The following BHMT variants were observed in gnomAD, a reference collection of about 807,000 sequenced individuals.
BHMT encodes betaine--homocysteine S-methyltransferase 1.
Under a neutral mutation model 49.5 loss-of-function variants are expected in BHMT, and 38 were observed. The observed-to-expected ratio is 0.77, with a 90% confidence interval of 0.59 to 1.01. The LOEUF is 1.01. Among genes scored for constraint, BHMT ranks in the 50% least tolerant of loss-of-function variants. BHMT has a pLI of 0.00. For synonymous variants in BHMT, 166 were observed against 176.3 expected, an observed-to-expected ratio of 0.94 and a Z score of 0.46; for missense variants, 426 against 495.7, an observed-to-expected ratio of 0.86 and a Z score of 1.34.
intron 1 of BHMT, among the ~76,000 whole-genome samples, chr5:79,115,526 G>A (rs972789347): frequency 6.6e-6 from 1 of 151,912 alleles, no homozygotes; most frequent in Non-Finnish European, 1.5e-5. Flanking sequence ...ACTCTTTAAC[G>A]TGTTAAGAAA....
At chr5:79,114,628 A>G (rs936662439) in intron 1 of BHMT, among the ~76,000 whole-genome samples, 1 of 152,178 alleles carries the variant, frequency 6.6e-6, no homozygotes. Flanking sequence ...CCTTTACACT[A>G]TACAGTTTTT....
At chr5:79,116,822 C>T (rs770119306) in intron 2 of BHMT, among the ~76,000 whole-genome samples, 25 of 152,004 alleles carry the variant, frequency 1.6e-4, no homozygotes, top group Non-Finnish European at 7.4e-5. Context: ...GTATAAGCGA[C>T]GTCATTGAGT....
chr5:79,123,182 A>G (rs1756498811), intron 5 of BHMT, among the ~76,000 whole-genome samples: 1 of 152,338 alleles, frequency 6.6e-6, no homozygotes, highest in African/African-American at 2.4e-5. Flanking sequence ...CTTCAGTGAG[A>G]TGAGAACAGA....
At chr5:79,128,473 T>C (rs1449407932) in intron 7 of BHMT, among the ~76,000 whole-genome samples, 2 of 141,508 alleles carry the variant, frequency 1.4e-5, no homozygotes, top group African/African-American at 5.2e-5. Context: ...GAGGTTGCAG[T>C]GAGCCAAGAT....
intron 1 of BHMT, among the ~76,000 whole-genome samples, chr5:79,113,223 G>A (rs1365286203): frequency 6.6e-6 from 1 of 152,226 alleles, no homozygotes; most frequent in African/African-American, 2.4e-5. Context: ...CCAGTCAAAG[G>A]AGGGTGAGAA....
At chr5:79,124,083 T>C (rs1333555460) in intron 5 of BHMT, among the ~76,000 whole-genome samples, 1 of 152,050 alleles carries the variant, frequency 6.6e-6, no homozygotes, top group African/African-American at 2.4e-5. Context: ...ATATCTAGAA[T>C]GGGCAAATCC....
In BHMT at chr5:79,111,882, G is replaced by A. The variant is rs1050824; in HGVS notation, c.-4G>A. 6.8e-6 allele frequency: 11 copies of A among 1,612,282 alleles called. No individual in the cohort carries two copies. The South Asian group carries it at 1.1e-4, about 16-fold the overall frequency. On this transcript the variant is annotated 5_prime_UTR_variant, in exon 1 of 8. Transcript: ENST00000274353. ...TGTCGACCACCTGTCTGGACACCAC[G>A]AAGATGCCACCCGTTGGGGGCAAAA... is the stretch of plus-strand genomic sequence containing the variant.
chr5:79,127,914 C>G lies in BHMT; in HGVS notation c.968C>G (p.Pro323Arg), dbSNP rs1054252814. 6.2e-7 allele frequency: 1 copy of G among 1,613,884 alleles called. No individual in the cohort carries two copies. The highest frequency in any genetic ancestry group is 1.3e-5 in the African/African-American group (1 of 74,892). Residue 323 changes from proline to arginine, a missense_variant, in exon 7 of 8, where the codon CCA (proline) becomes CGA (arginine). Pro to Arg is a moderately radical substitution (Grantham distance 103). Transcript: ENST00000274353. ...ELAPERGFLP[P>R]ASEKHGSWGS... Reference sequence around the variant, plus strand: ...GCCCCAGAAAGGGGCTTTTTGCCACCAGCTTCAGAAAAACATGGCAGCTGG... The same window carrying G: ...GCCCCAGAAAGGGGCTTTTTGCCACGAGCTTCAGAAAAACATGGCAGCTGG...
chr5:79,131,352 C>A lies in BHMT; in HGVS notation c.*236C>A. On this transcript the variant is annotated 3_prime_UTR_variant, in exon 8 of 8. Coordinates refer to ENST00000274353, the MANE Select transcript of BHMT (RefSeq NM_001713.3). ...AATCTTGAACAGGTTCACTAAGCAC[C>A]CACCCTGTGAAAAGTATTATGGAAA... 2.4e-6 allele frequency: 1 copy of A among 411,696 alleles called. No individual in the cohort carries two copies. The allele number at this position is 411,696 out of a possible 1,614,324, so 25.5% of individuals were successfully genotyped here.
At chr5:79,128,150 A>G (rs868706727) in intron 7 of BHMT, 167 bp downstream of exon 7, 26 of 908,802 alleles carry the variant, frequency 2.9e-5, no homozygotes, top group Middle Eastern at 3.1e-4. Flanking sequence ...ATTTCTGGAG[A>G]TTGTTTTAAG....
rs1399357507 is a variant in BHMT at position 79,131,812 on chromosome 5, G to T, written c.*696G>T. The T allele has an allele frequency of 6.6e-6, 1 of 152,158 alleles. No homozygotes were observed. The highest frequency in any genetic ancestry group is 6.5e-5 in the Admixed American group (1 of 15,280). The allele number at this position is 152,158 out of a possible 1,614,324, so 9.4% of individuals were successfully genotyped here. On this transcript the variant is annotated 3_prime_UTR_variant, in exon 8 of 8. Transcript: ENST00000274353. ...TAAGTAGGTCAGTCATATGAGACCTGATCAATAAATATCCAATACCCAGAG... is the reference window on the plus strand; with the variant it reads ...TAAGTAGGTCAGTCATATGAGACCTTATCAATAAATATCCAATACCCAGAG...
At chr5:79,114,391 G>C (rs373954850) in intron 1 of BHMT, among the ~76,000 whole-genome samples, 9 of 152,074 alleles carry the variant, frequency 5.9e-5, no homozygotes, top group East Asian at 3.9e-4. Context: ...AATGTCAATT[G>C]TTTCCTCTCT....
At chr5:79,117,906 T>A (rs1386491367) in intron 2 of BHMT, among the ~76,000 whole-genome samples, 1 of 152,172 alleles carries the variant, frequency 6.6e-6, no homozygotes, top group Non-Finnish European at 1.5e-5. Context: ...AAAAGGAGTT[T>A]TTTTCCACTA....
rs111286503 is a variant in BHMT, at chr5:79,125,504, A to T, written c.626-542A>T. On this transcript the variant is annotated intron_variant, in intron 5 of 7. Transcript: ENST00000274353. ...GAGATGGACAGCCAAATGTGCACAAATTACACTTCAATTATACCAGACTCT... is the reference window on the plus strand; with the variant it reads ...GAGATGGACAGCCAAATGTGCACAATTTACACTTCAATTATACCAGACTCT... Among the ~76,000 whole-genome samples the T allele has an allele frequency of 1.1e-4, 16 of 151,932 alleles. 3 individuals are homozygous for T. Among genetic ancestry groups the T allele is most frequent in the African/African-American group, 3.9e-4 (16 of 41,434 alleles).
intron 7 of BHMT, chr5:79,128,310 C>T (rs79471264): frequency 0.031 from 6,246 of 198,388 alleles, 129 homozygotes; most frequent in South Asian, 0.069. Flanking sequence ...TACTTGATCT[C>T]GGGAGTTTGA....
Position 79,127,981 on chromosome 5 carries a change from A to C in BHMT, c.1035A>C (p.Ala345=). ...TGCACACCAAACCCTGGGTTAGAGC[A>C]AGGTAAGCATCTTTTTACTAACCCA... ...LDMHTKPWVR[A]RARKEYWENL... The change falls in exon 7 of 8, where the codon GCA becomes GCC. Residue 345 remains alanine, a splice_region_variant and synonymous_variant. Coordinates refer to ENST00000274353, the MANE Select transcript of BHMT (RefSeq NM_001713.3). The C allele has an allele frequency of 6.2e-7, 1 of 1,610,886 alleles. No homozygotes were observed. The highest frequency in any genetic ancestry group is 8.5e-7 in the Non-Finnish European group (1 of 1,178,350).
rs749710704 is a variant in BHMT at position 79,119,289 on chromosome 5, C to T, written c.197C>T (p.Ala66Val). 2 of 1,613,688 alleles carry T rather than the reference C, an allele frequency of 1.2e-6. No homozygotes were observed. The highest frequency in any genetic ancestry group is 2.2e-5 in the East Asian group (1 of 44,866). Residue 66 changes from alanine (A) to valine (V), a missense_variant, in exon 3 of 8, where the codon GCT becomes GTT. Transcript: ENST00000274353. ...VRQLHREFLR[A>V]GSNVMQTFTF... ...CAGCTTCATCGAGAGTTCCTCAGAG[C>T]TGGCTCAAACGTCATGCAGACCTTC...
chr5:79,127,960 C>T lies in BHMT; in HGVS notation c.1014C>T (p.His338=). 1 of 1,613,602 alleles carries T rather than the reference C, an allele frequency of 6.2e-7. No individual in the cohort carries two copies. Among genetic ancestry groups the T allele is most frequent in the Non-Finnish European group, 8.5e-7 (1 of 1,179,778 alleles). Reference sequence around the variant, plus strand: ...GCTGGGGAAGTGGTTTGGACATGCACACCAAACCCTGGGTTAGAGCAAGGT... The same window carrying T: ...GCTGGGGAAGTGGTTTGGACATGCATACCAAACCCTGGGTTAGAGCAAGGT... ...HGSWGSGLDM[H]TKPWVRARAR... is the part of the protein sequence containing the mutation. The change falls in exon 7 of 8, where the codon CAC becomes CAT. Residue 338 remains histidine, a synonymous_variant. Coordinates refer to ENST00000274353, the MANE Select transcript of BHMT (RefSeq NM_001713.3).
In BHMT at chr5:79,131,637, C is replaced by T. The variant is rs896035290; in HGVS notation, c.*521C>T. 1.3e-5 allele frequency: 2 copies of T among 152,146 alleles called. No individual in the cohort carries two copies. Among genetic ancestry groups the T allele is most frequent in the African/African-American group, 4.8e-5 (2 of 41,416 alleles). 9.4% of individuals were successfully genotyped at this position (152,146 alleles called of 1,614,324 possible). On this transcript the variant is annotated 3_prime_UTR_variant, in exon 8 of 8. Transcript: ENST00000274353. Reference sequence around the variant, plus strand: ...TGATCCATCCTAGTATTTTCTGTTCCATTCCTTTTCATTCTATTTCATTTA... The same window carrying T: ...TGATCCATCCTAGTATTTTCTGTTCTATTCCTTTTCATTCTATTTCATTTA...
Sources: allele counts gnomAD v4.1 joint callset (sites outside exome capture counted in the v4.1 genomes callset), GRCh38; gene constraint gnomAD v4.1.1; transcripts MANE v1.5; gene names NCBI Gene and HGNC (gene_info 2026-07-23, HGNC 2026-07-21).